TAB2: variants seen among roughly 807,000 people sequenced by gnomAD.
TAB2 encodes TGF-beta-activated kinase 1 and MAP3K7-binding protein 2.
TAB2 carries 3 observed loss-of-function variants against 65.0 expected under a neutral mutation model. That is an observed-to-expected ratio of 0.05 (90% confidence interval 0.02 to 0.12). The LOEUF (loss-of-function observed/expected upper bound fraction) is 0.12. Ranked by LOEUF, TAB2 falls within the 10% of genes least tolerant of loss-of-function variation. The probability of loss-of-function intolerance (pLI) is 1.00; values close to 1 mark genes in which losing one functional copy is unlikely to be tolerated. For synonymous variants in TAB2, 298 were observed against 285.1 expected (o/e 1.05, Z -0.46); for missense variants, 623 against 840.3 (o/e 0.74, Z 3.20).
intron 3 of TAB2, among the ~76,000 whole-genome samples, chr6:149,396,756 A>C (rs1782185461): frequency 6.6e-6 from 1 of 152,248 alleles, no homozygotes; most frequent in Admixed American, 6.5e-5. Context: ...ATTTTCACAA[A>C]ATATAATCTG....
chr6:149,397,474 TA>T, intron 3 of TAB2, 129 bp from the exon 4 acceptor site: 1 of 1,099,848 alleles, frequency 9.1e-7, no homozygotes, highest in Non-Finnish European at 1.4e-6. Flanking sequence ...TTTAAATGCC[TA>T]AACTTACAAT....
At chr6:149,256,608 T>C (rs1045884571) in intron 1 of TAB2, among the ~76,000 whole-genome samples, 2 of 152,222 alleles carry the variant, frequency 1.3e-5, no homozygotes, top group African/African-American at 4.8e-5. Flanking sequence ...CTCATTTGCC[T>C]TCTTTTTAAT....
At position 149,378,631 on chromosome 6, in the gene TAB2, T is replaced by G; in HGVS notation, c.716T>G (p.Phe239Cys). The change falls in exon 3 of 7, where the codon TTT (phenylalanine) becomes TGT (cysteine). Residue 239 changes from phenylalanine to cysteine, a missense_variant. By Grantham distance (205) the Phe-to-Cys change is radical (BLOSUM62 -2). Transcript: ENST00000637181. The part of the protein sequence containing the change: ...TQQHSGWVSQ[F>C]NPMNPQQVYQ... ...CAGCATTCTGGCTGGGTATCTCAGTTTAATCCCATGAACCCTCAGCAAGTT... is the reference window on the plus strand; with the variant it reads ...CAGCATTCTGGCTGGGTATCTCAGTGTAATCCCATGAACCCTCAGCAAGTT... The G allele has an allele frequency of 1.9e-6, 3 of 1,613,368 alleles. No homozygotes were observed. Among genetic ancestry groups the G allele is most frequent in the South Asian group, 1.1e-5 (1 of 91,070 alleles).
intron 6 of TAB2, among the ~76,000 whole-genome samples, chr6:149,403,997 A>G (rs1232867174): frequency 6.6e-6 from 1 of 152,236 alleles, no homozygotes. Context: ...CAATTAGACA[A>G]GAAAAATAAA....
chr6:149,256,752 G>C (rs1263586841), intron 1 of TAB2, among the ~76,000 whole-genome samples: 1 of 152,064 alleles, frequency 6.6e-6, no homozygotes, highest in African/African-American at 2.4e-5. Flanking sequence ...ATCTTAATAA[G>C]GAACAGACTT....
intron 1 of TAB2, among the ~76,000 whole-genome samples, chr6:149,254,055 GAGGGAGGAAGGA>G (rs1427307170): frequency 8.1e-6 from 1 of 123,944 alleles, no homozygotes; most frequent in Non-Finnish European, 1.7e-5. Context: ...AAGAGGGAGA[GAGGGAGGAAGGA>G]AGGAAGGAAG....
chr6:149,243,418 G>C (rs1777639176), intron 1 of TAB2: 1 of 152,236 alleles, frequency 6.6e-6, no homozygotes, highest in Admixed American at 6.5e-5. Flanking sequence ...AGACTAGTCA[G>C]AAGTCTTGAT....
intron 1 of TAB2, among the ~76,000 whole-genome samples, chr6:149,254,069 GGAAGGAAGGAAGGAA>G (rs1777943802): frequency 1.2e-5 from 1 of 82,962 alleles, no homozygotes; most frequent in African/African-American, 5.4e-5. Context: ...GAGGAAGGAA[GGAAGGAAGGAAGGAA>G]GGAAGGAAGG....
chr6:149,331,301 T>C (rs1016166975), intron 1 of TAB2, among the ~76,000 whole-genome samples: 2 of 152,192 alleles, frequency 1.3e-5, no homozygotes, highest in Non-Finnish European at 2.9e-5. Context: ...TACCTAGATA[T>C]ATATTTTTTA....
At chr6:149,403,532 TA>T (rs1334986796) in intron 6 of TAB2, among the ~76,000 whole-genome samples, 5 of 151,724 alleles carry the variant, frequency 3.3e-5, no homozygotes, top group Non-Finnish European at 5.9e-5. Context: ...CAGGAAGTTC[TA>T]ATGTAGTATC....
intron 1 of TAB2, among the ~76,000 whole-genome samples, chr6:149,284,590 A>G (rs1335907426): frequency 6.6e-6 from 1 of 151,842 alleles, no homozygotes; most frequent in East Asian, 1.9e-4. Flanking sequence ...CTAATAAAAA[A>G]TTAGATCTAA....
At chr6:149,272,462 G>C (rs1161718836) in intron 1 of TAB2, among the ~76,000 whole-genome samples, 1 of 152,186 alleles carries the variant, frequency 6.6e-6, no homozygotes, top group Non-Finnish European at 1.5e-5. Context: ...AACTTCTAGA[G>C]GCTGCCTGTA....
intron 1 of TAB2, among the ~76,000 whole-genome samples, chr6:149,295,349 G>C (rs1001668815): frequency 1.3e-5 from 2 of 151,950 alleles, no homozygotes; most frequent in Admixed American, 6.6e-5. Flanking sequence ...TTGGTTTTTC[G>C]TTTTGTTTTG....
chr6:149,400,492 T>C, intron 6 of TAB2: 5 of 1,614,192 alleles, frequency 3.1e-6, no homozygotes, highest in Non-Finnish European at 4.2e-6. Context: ...CAGTTTAAGA[T>C]TAAGAGGCAG....
In TAB2 at chr6:149,378,254, A is replaced by G. The variant is rs766792633; in HGVS notation, c.339A>G (p.Gln113=). Residue 113 remains glutamine, a synonymous_variant, in exon 3 of 7, where the codon CAA becomes CAG. Coordinates refer to ENST00000637181, the MANE Select transcript of TAB2 (RefSeq NM_001292034.3). Reference sequence around the variant, plus strand: ...ACAGCATTAGTGATGGACAACTTCAAGGTGGCCAGTCCAATAGTGAACTAT... The same window carrying G: ...ACAGCATTAGTGATGGACAACTTCAGGGTGGCCAGTCCAATAGTGAACTAT... ...LTHSISDGQL[Q]GGQSNSELFQ... 7 of 1,614,132 alleles carry G rather than the reference A, an allele frequency of 4.3e-6. No homozygotes were observed. Among genetic ancestry groups the G allele is most frequent in the Middle Eastern group, 1.6e-4 (1 of 6,084 alleles).
chr6:149,394,900 A>G (rs1319311351), intron 3 of TAB2, among the ~76,000 whole-genome samples: 3 of 152,246 alleles, frequency 2.0e-5, no homozygotes, highest in African/African-American at 7.2e-5. Context: ...CTCTGTCACA[A>G]CTATTTAATT....
chr6:149,236,900 C>A (rs570131667), intron 1 of TAB2, among the ~76,000 whole-genome samples: 1 of 152,322 alleles, frequency 6.6e-6, no homozygotes, highest in Admixed American at 6.5e-5. Flanking sequence ...TCAGCATAAT[C>A]TTTTCCTTTG....
At chr6:149,403,099 C>T (rs959206915) in intron 6 of TAB2, among the ~76,000 whole-genome samples, 6 of 150,952 alleles carry the variant, frequency 4.0e-5, no homozygotes, top group East Asian at 1.9e-4. Context: ...CCTGGCTTGG[C>T]GGCCCATGCC....
intron 2 of TAB2, among the ~76,000 whole-genome samples, chr6:149,377,338 C>G (rs927025048): frequency 6.6e-6 from 1 of 150,860 alleles, no homozygotes; most frequent in Non-Finnish European, 1.5e-5. Context: ...GGATTACAAG[C>G]GTAAAAACAA....
Sources: gnomAD v4.1 joint callset for allele counts (sites outside exome capture counted in the v4.1 genomes callset) on GRCh38, gnomAD v4.1.1 for gene constraint, MANE v1.5 for transcripts, NCBI Gene and HGNC (gene_info 2026-07-23, HGNC 2026-07-21) for gene names.